PINX1: variants seen among roughly 807,000 people sequenced by gnomAD.
PINX1 encodes the protein PIN2/TERF1-interacting telomerase inhibitor 1.
Under a neutral mutation model 25.4 loss-of-function variants are expected in PINX1, and 34 were observed. The ratio of observed to expected loss-of-function variants is 1.34; its 90% CI spans 1.02 to 1.78. The LOEUF is 1.78. Among genes scored for constraint, PINX1 ranks in the 40% most tolerant of loss-of-function variants. PINX1 has a pLI of 0.00. For synonymous variants in PINX1, 197 were observed against 147.7 expected, an observed-to-expected ratio of 1.33 and a Z score of -2.42; for missense variants, 592 against 404.9, an observed-to-expected ratio of 1.46 and a Z score of -3.97.
intron 6 of PINX1, among the ~76,000 whole-genome samples, chr8:10,806,340 A>C (rs1802451554): frequency 6.6e-6 from 1 of 152,216 alleles, no homozygotes; most frequent in Non-Finnish European, 1.5e-5. Context: ...GGTCTCCATG[A>C]CACCACGGCC....
chr8:10,834,587 T>G, intron 2 of PINX1, 79 bp downstream of exon 2: 3 of 1,513,902 alleles, frequency 2.0e-6, no homozygotes, highest in Non-Finnish European at 2.6e-6. Flanking sequence ...TTTCTTCCAG[T>G]CTCCTAAGAA....
At chr8:10,834,206 G>A (rs1022326557) in intron 2 of PINX1, 4 of 153,930 alleles carry the variant, frequency 2.6e-5, no homozygotes, top group African/African-American at 9.6e-5. Context: ...AAGAGCAGAA[G>A]AGACAATAGC....
intron 5 of PINX1, among the ~76,000 whole-genome samples, chr8:10,824,530 GA>G (rs1797978147): frequency 6.6e-6 from 1 of 152,202 alleles, no homozygotes; most frequent in Admixed American, 6.5e-5. Flanking sequence ...CTGGAAGACA[GA>G]AAACGAAGGC....
intron 4 of PINX1, among the ~76,000 whole-genome samples, chr8:10,828,091 G>A (rs1798112206): frequency 6.6e-6 from 1 of 151,992 alleles, no homozygotes; most frequent in Non-Finnish European, 1.5e-5. Context: ...AGTTCCCTAT[G>A]GGAACTATAC....
intron 4 of PINX1, among the ~76,000 whole-genome samples, chr8:10,830,001 T>G (rs1021653677): frequency 6.6e-6 from 1 of 152,242 alleles, no homozygotes; most frequent in African/African-American, 2.4e-5. Context: ...GTGTTTCTAC[T>G]GAGTTCAACT....
At chr8:10,829,101 C>T (rs1003912076) in intron 4 of PINX1, among the ~76,000 whole-genome samples, 3 of 152,058 alleles carry the variant, frequency 2.0e-5, no homozygotes, top group East Asian at 3.9e-4. Context: ...GCCTGACCAA[C>T]ATGGTGAAAC....
At chr8:10,769,935 T>C (rs955523194) in intron 6 of PINX1, among the ~76,000 whole-genome samples, 9 of 152,222 alleles carry the variant, frequency 5.9e-5, no homozygotes, top group Non-Finnish European at 8.8e-5. Flanking sequence ...CTCACCTAAG[T>C]TGACTGATGC....
At position 10,792,003 on chromosome 8, in the gene PINX1, G is replaced by A. The variant is rs559394921; in HGVS notation, c.472-26087C>T. 4.6e-5 allele frequency among the ~76,000 whole-genome samples: 7 copies of A among 152,278 alleles called. No individual in the cohort carries two copies. The East Asian group carries it at 7.8e-4, about 17-fold the overall frequency. On this transcript the variant is annotated intron_variant, in intron 6 of 6. Coordinates refer to ENST00000314787, the MANE Select transcript of PINX1 (RefSeq NM_017884.6). ...GCAGTGATGAGACTCTTAACTCTCC[G>A]TGCTGGCCAGGACCGCCCCCTCTCT...
At chr8:10,827,632 C>T (rs191601713) in intron 4 of PINX1, among the ~76,000 whole-genome samples, 11 of 151,960 alleles carry the variant, frequency 7.2e-5, no homozygotes, top group South Asian at 6.3e-4. Flanking sequence ...AGCAGCCGGG[C>T]GCGGTGGCTC....
At chr8:10,783,970 T>G (rs1253672382) in intron 6 of PINX1, among the ~76,000 whole-genome samples, 1 of 152,190 alleles carries the variant, frequency 6.6e-6, no homozygotes, top group African/African-American at 2.4e-5. Context: ...TTTTATTCAC[T>G]AATGTTAAGA....
At chr8:10,834,629 C>T (rs1356898626) in intron 2 of PINX1, 37 bp downstream of exon 2, 2 of 1,607,000 alleles carry the variant, frequency 1.2e-6, no homozygotes, top group Non-Finnish European at 8.5e-7. Flanking sequence ...AATCTCTTTT[C>T]ATAGCTCAGA....
intron 4 of PINX1, among the ~76,000 whole-genome samples, chr8:10,831,157 T>C (rs1437176901): frequency 6.6e-6 from 1 of 152,222 alleles, no homozygotes; most frequent in East Asian, 1.9e-4. Context: ...ATGGTTGAGT[T>C]TGGAGGACAT....
intron 6 of PINX1, among the ~76,000 whole-genome samples, chr8:10,815,756 G>A (rs1372398229): frequency 1.3e-5 from 2 of 152,124 alleles, no homozygotes; most frequent in Non-Finnish European, 2.9e-5. Context: ...TCACTTCACA[G>A]TTTAACATAC....
chr8:10,823,484 G>A (rs955425662), intron 5 of PINX1, among the ~76,000 whole-genome samples: 1 of 151,818 alleles, frequency 6.6e-6, no homozygotes, highest in Admixed American at 6.6e-5. Flanking sequence ...CCCCTCTGCA[G>A]ATATAGCCTC....
intron 3 of PINX1, 49 bp from the exon 4 acceptor site, chr8:10,831,792 C>T (rs760490754): frequency 9.7e-7 from 1 of 1,032,352 alleles, no homozygotes; most frequent in Non-Finnish European, 1.5e-6. Flanking sequence ...AGTTTACTTA[C>T]ACTGACTGAG....
rs186244509 is a variant in PINX1 at position 10,833,130 on chromosome 8, G to A, written c.130-146C>T. 1.8e-5 allele frequency: 10 copies of A among 553,846 alleles called. No homozygotes were observed. The East Asian group carries it at 3.1e-4, about 17-fold the overall frequency. 34.3% of individuals were successfully genotyped at this position (553,846 alleles called of 1,614,324 possible). A position where few individuals can be genotyped will look rare whatever the true frequency, so the allele number is the denominator to read the frequency against. ...AAATACTTTCACAAAGCAACATGGG[G>A]GAGGACTCTAAGTCCTCTGCATCAA... On this transcript the variant is annotated intron_variant, in intron 2 of 6. Transcript: ENST00000314787.
chr8:10,796,174 G>A (rs750670276), intron 6 of PINX1, among the ~76,000 whole-genome samples: 21 of 152,262 alleles, frequency 1.4e-4, no homozygotes, highest in Non-Finnish European at 2.8e-4. Context: ...CTGAGTGCAT[G>A]GAAGGAGCTT....
chr8:10,791,187 C>G lies in PINX1; in HGVS notation c.472-25271G>C, dbSNP rs1000868865. 2.6e-5 allele frequency among the ~76,000 whole-genome samples: 4 copies of G among 152,204 alleles called. 1 individual carries two copies. The highest frequency in any genetic ancestry group is 9.7e-5 in the African/African-American group (4 of 41,448). On this transcript the variant is annotated intron_variant, in intron 6 of 6. Coordinates refer to ENST00000314787, the MANE Select transcript of PINX1 (RefSeq NM_017884.6). ...TCAGCCTTCCAAAGTGCTGGGATGA[C>G]AGGCATGAGCCATCATGCCCAGCCA... is the stretch of plus-strand genomic sequence containing the variant.
chr8:10,838,520 T>C (rs1798473650), intron 1 of PINX1, among the ~76,000 whole-genome samples: 1 of 152,226 alleles, frequency 6.6e-6, no homozygotes, highest in Non-Finnish European at 1.5e-5. Flanking sequence ...GAAGATTTTG[T>C]GGCCTCACAA....
Sources: gnomAD v4.1 joint callset for allele counts (sites outside exome capture counted in the v4.1 genomes callset) on GRCh38, gnomAD v4.1.1 for gene constraint, MANE v1.5 for transcripts, NCBI Gene and HGNC (gene_info 2026-07-23, HGNC 2026-07-21) for gene names.